The following NRXN3 variants were observed in gnomAD, a reference collection of about 807,000 sequenced individuals.
NRXN3 encodes neurexin 3, also known as neurexin III.
NRXN3 carries 32 observed loss-of-function variants against 137.6 expected under a neutral mutation model. That is an observed-to-expected ratio of 0.23 (90% CI 0.18 to 0.31). NRXN3 has a LOEUF of 0.31. NRXN3 is among the 10% of genes least tolerant of loss of function. NRXN3 has a pLI of 1.00. For synonymous variants in NRXN3, 798 were observed against 784.5 expected, an observed-to-expected ratio of 1.02 and a Z score of -0.29; for missense variants, 1,574 against 2,062.5, an observed-to-expected ratio of 0.76 and a Z score of 4.59.
chr14:79,429,200 A>G (rs1478082898), intron 15 of NRXN3, among the ~76,000 whole-genome samples: 2 of 152,154 alleles, frequency 1.3e-5, no homozygotes, highest in African/African-American at 4.8e-5. Flanking sequence ...AAGATGCCAG[A>G]TGGTGTTTTT....
At chr14:79,133,386 C>T (rs189549993) in intron 15 of NRXN3, among the ~76,000 whole-genome samples, 20 of 151,938 alleles carry the variant, frequency 1.3e-4, no homozygotes, top group African/African-American at 4.8e-4. Flanking sequence ...TGAGCCCAGC[C>T]GTAATTGGAG....
At chr14:79,706,040 C>T (rs2154041430) in intron 19 of NRXN3, among the ~76,000 whole-genome samples, 2 of 152,286 alleles carry the variant, frequency 1.3e-5, no homozygotes, top group Middle Eastern at 3.4e-3. Flanking sequence ...ACAATATTTA[C>T]AGGCTGAATC....
chr14:78,691,161 A>G (rs143216250), intron 6 of NRXN3, among the ~76,000 whole-genome samples: 230 of 152,298 alleles, frequency 1.5e-3, no homozygotes, highest in African/African-American at 5.4e-3. Context: ...GATATTGCAT[A>G]TTATGAGAAT....
At chr14:78,779,577 G>T (rs933891111) in intron 8 of NRXN3, among the ~76,000 whole-genome samples, 1 of 152,004 alleles carries the variant, frequency 6.6e-6, no homozygotes, top group Non-Finnish European at 1.5e-5. Flanking sequence ...GTCCATAAGG[G>T]TTTATTGGCA....
At chr14:78,794,690 A>G (rs550990980) in intron 8 of NRXN3, among the ~76,000 whole-genome samples, 10 of 152,002 alleles carry the variant, frequency 6.6e-5, no homozygotes, top group Admixed American at 5.3e-4. Flanking sequence ...TCTACTGTTA[A>G]TGATGGCATG....
intron 4 of NRXN3, among the ~76,000 whole-genome samples, chr14:78,587,309 A>AGT (rs1471284674): frequency 5.3e-5 from 8 of 152,196 alleles, no homozygotes; most frequent in Admixed American, 3.3e-4. Flanking sequence ...TGGCTTTCCA[A>AGT]GTGCCTTCTG....
intron 15 of NRXN3, among the ~76,000 whole-genome samples, chr14:79,292,018 A>T (rs2083287286): frequency 6.6e-6 from 1 of 152,126 alleles, no homozygotes; most frequent in Admixed American, 6.5e-5. Flanking sequence ...AATTTACGGG[A>T]ACAGAAACTG....
chr14:79,324,689 G>A (rs1316271192), intron 15 of NRXN3, among the ~76,000 whole-genome samples: 1 of 152,204 alleles, frequency 6.6e-6, no homozygotes, highest in Non-Finnish European at 1.5e-5. Context: ...AGGGAATAAA[G>A]TCAGAAAACC....
intron 1 of NRXN3, among the ~76,000 whole-genome samples, chr14:78,200,749 C>CTCCAATATCTCAGGCAAAAT (rs1408114456): frequency 9.9e-5 from 15 of 152,174 alleles, no homozygotes; most frequent in African/African-American, 1.2e-4. Flanking sequence ...CACAATGGTT[C>CTCCAATATCTCAGGCAAAAT]TCCAATATCT....
chr14:79,391,960 T>C (rs931019463), intron 15 of NRXN3, among the ~76,000 whole-genome samples: 2 of 152,210 alleles, frequency 1.3e-5, no homozygotes, highest in African/African-American at 4.8e-5. Context: ...ATTTCTTCAG[T>C]ACTCAGCAGC....
chr14:78,595,612 C>G (rs1420743967), intron 4 of NRXN3, among the ~76,000 whole-genome samples: 1 of 152,160 alleles, frequency 6.6e-6, no homozygotes, highest in Non-Finnish European at 1.5e-5. Context: ...TGACCCAGAT[C>G]CTATTCTTGG....
chr14:78,538,965 G>C (rs963258874), intron 4 of NRXN3, among the ~76,000 whole-genome samples: 3 of 152,112 alleles, frequency 2.0e-5, no homozygotes, highest in Admixed American at 2.0e-4. Context: ...GGATGAAGCT[G>C]ACTTGATCAT....
chr14:79,451,195 A>T (rs555143173), intron 15 of NRXN3, among the ~76,000 whole-genome samples: 5 of 151,494 alleles, frequency 3.3e-5, no homozygotes, highest in African/African-American at 1.2e-4. Flanking sequence ...AAAGCTCAGG[A>T]TATCACCACT....
chr14:79,464,518 T>G (rs2096396326), intron 15 of NRXN3, among the ~76,000 whole-genome samples: 1 of 152,154 alleles, frequency 6.6e-6, no homozygotes, highest in Admixed American at 6.5e-5. Context: ...TGAGAATTAC[T>G]GGTAGGATTG....
intron 19 of NRXN3, among the ~76,000 whole-genome samples, chr14:79,765,730 A>C (rs1259868022): frequency 6.6e-6 from 1 of 152,214 alleles, no homozygotes; most frequent in Non-Finnish European, 1.5e-5. Flanking sequence ...CTGCTTATGA[A>C]ATATGAGAGC....
intron 10 of NRXN3, among the ~76,000 whole-genome samples, chr14:78,862,945 T>C (rs1403843521): frequency 1.3e-5 from 2 of 152,204 alleles, no homozygotes; most frequent in African/African-American, 2.4e-5. Flanking sequence ...TTAATGCTTA[T>C]ATGATTATCT....
intron 15 of NRXN3, among the ~76,000 whole-genome samples, chr14:79,219,685 A>T (rs2069181585): frequency 6.6e-6 from 1 of 152,208 alleles, no homozygotes; most frequent in Non-Finnish European, 1.5e-5. Context: ...AAATGCAAAG[A>T]TTCACAACTT....
chr14:78,723,588 T>C (rs1022590535), intron 8 of NRXN3, among the ~76,000 whole-genome samples: 2 of 152,212 alleles, frequency 1.3e-5, no homozygotes, highest in Non-Finnish European at 2.9e-5. Context: ...TGTATTTACC[T>C]TCTCACCTTC....
At chr14:79,252,073 C>G (rs185116237) in intron 15 of NRXN3, among the ~76,000 whole-genome samples, 172 of 152,236 alleles carry the variant, frequency 1.1e-3, no homozygotes, top group Admixed American at 1.8e-3. Context: ...CACTAAGTAG[C>G]TAATCCTTTC....
Sources: allele counts gnomAD v4.1 joint callset (sites outside exome capture counted in the v4.1 genomes callset), GRCh38; gene constraint gnomAD v4.1.1; transcripts MANE v1.5; gene names NCBI Gene and HGNC (gene_info 2026-07-23, HGNC 2026-07-21).